Variants in RXRA observed in about 807,000 individuals in gnomAD.
RXRA encodes the protein retinoic acid receptor RXR-alpha.
RXRA carries 5 observed loss-of-function variants against 44.5 expected under a neutral mutation model. The observed-to-expected ratio is 0.11, with a 90% CI of 0.06 to 0.24. RXRA has a LOEUF of 0.24. Ranked by LOEUF, RXRA falls within the 10% of genes least tolerant of loss-of-function variation. RXRA has a pLI of 1.00. For synonymous variants in RXRA, 291 were observed against 271.4 expected (o/e 1.07, Z -0.71); for missense variants, 412 against 646.5 (o/e 0.64, Z 3.93).
intron 1 of RXRA, among the ~76,000 whole-genome samples, chr9:134,356,509 G>A (rs1196481229): frequency 6.6e-6 from 1 of 152,170 alleles, no homozygotes; most frequent in African/African-American, 2.4e-5. Flanking sequence ...AGAGCAGCAC[G>A]GTCTGCGGGA....
At chr9:134,422,287 T>G in intron 6 of RXRA, 3 of 1,275,026 alleles carry the variant, frequency 2.4e-6, no homozygotes, top group Non-Finnish European at 3.0e-6. Context: ...GACACACTCC[T>G]ACTTCCTGGG....
chr9:134,339,286 G>A (rs1164473150), intron 1 of RXRA, among the ~76,000 whole-genome samples: 1 of 152,250 alleles, frequency 6.6e-6, no homozygotes, highest in African/African-American at 2.4e-5. Flanking sequence ...GGGGCGCGTC[G>A]TCCTCCCCAG....
In RXRA at chr9:134,379,022, G is replaced by A. The variant is rs117289030; in HGVS notation, c.29-22610G>A. Among the ~76,000 whole-genome samples, 362 of 152,302 alleles carry A rather than the reference G, an allele frequency of 2.4e-3. 15 individuals are homozygous for A. In the East Asian group the frequency reaches 0.061, roughly 26 times the overall value. ...TTGAGGGTGGGGGTGGACCTCAGCCGCCACCCATTTGTCAGTCAGCAAATG... is the reference window on the plus strand; with the variant it reads ...TTGAGGGTGGGGGTGGACCTCAGCCACCACCCATTTGTCAGTCAGCAAATG... On this transcript the variant is annotated intron_variant, in intron 1 of 9. Transcript: ENST00000481739.
At chr9:134,348,796 C>CATGTGCCTCCT (rs6151207) in intron 1 of RXRA, among the ~76,000 whole-genome samples, 1 of 57,152 alleles carries the variant, frequency 1.7e-5, no homozygotes, top group African/African-American at 2.7e-4. Flanking sequence ...CAGAAGACTT[C>CATGTGCCTCCT]CCGGACGCTG....
intron 1 of RXRA, among the ~76,000 whole-genome samples, chr9:134,350,223 G>C (rs988935715): frequency 2.6e-4 from 40 of 152,224 alleles, no homozygotes; most frequent in African/African-American, 7.0e-4. Context: ...GGAAACCACT[G>C]GGGGAGGGAG....
chr9:134,391,681 C>T (rs930417711), intron 1 of RXRA, among the ~76,000 whole-genome samples: 1 of 152,204 alleles, frequency 6.6e-6, no homozygotes, highest in Non-Finnish European at 1.5e-5. Context: ...GCCAAGTCCC[C>T]GAGCTGGTAC....
In RXRA at chr9:134,424,855, G is replaced by A. The variant is rs1273972257; in HGVS notation, c.910+3050G>A. The A allele has an allele frequency of 5.1e-6, 5 of 985,346 alleles. No homozygotes were observed. The African/African-American group carries it at 7.0e-5, about 14-fold the overall frequency. 61.0% of individuals were successfully genotyped at this position (985,346 alleles called of 1,614,324 possible). A position where few individuals can be genotyped will look rare whatever the true frequency, so the allele number is the denominator to read the frequency against. The stretch of plus-strand genomic sequence containing the variant: ...TGGGGACCAGGGGTGATCCTGCTGG[G>A]TTTTCTTCTGGCAGGAGGCAGTGGC... On this transcript the variant is annotated intron_variant, in intron 6 of 9. Coordinates refer to ENST00000481739, the MANE Select transcript of RXRA (RefSeq NM_002957.6).
chr9:134,399,660 C>T (rs1830930623), intron 1 of RXRA, among the ~76,000 whole-genome samples: 1 of 152,254 alleles, frequency 6.6e-6, no homozygotes, highest in Non-Finnish European at 1.5e-5. Flanking sequence ...GTGCCACCAA[C>T]ATCTGGTTCT....
intron 1 of RXRA, among the ~76,000 whole-genome samples, chr9:134,381,352 A>G (rs2119102030): frequency 6.6e-6 from 1 of 152,070 alleles, no homozygotes; most frequent in Non-Finnish European, 1.5e-5. Flanking sequence ...GCTAGTGCTG[A>G]CCGCGCTGGG....
chr9:134,419,006 G>A (rs187383429), intron 5 of RXRA, among the ~76,000 whole-genome samples: 7 of 152,316 alleles, frequency 4.6e-5, no homozygotes, highest in African/African-American at 9.6e-5. Flanking sequence ...CCACGTCCCC[G>A]GCTCTGCTCA....
chr9:134,423,078 C>T (rs1447378059), intron 6 of RXRA: 1 of 985,348 alleles, frequency 1.0e-6, no homozygotes, highest in Non-Finnish European at 1.2e-6. Context: ...CAGTGGAAGC[C>T]TGGATGGGGC....
intron 1 of RXRA, among the ~76,000 whole-genome samples, chr9:134,336,727 C>T (rs1370310364): frequency 6.6e-6 from 1 of 152,222 alleles, no homozygotes; most frequent in African/African-American, 2.4e-5. Context: ...CCATATAAGC[C>T]TCATGAAGTT....
At chr9:134,406,956 C>T (rs1424413420) in intron 2 of RXRA, among the ~76,000 whole-genome samples, 1 of 152,222 alleles carries the variant, frequency 6.6e-6, no homozygotes, top group African/African-American at 2.4e-5. Flanking sequence ...GTGAGTCACA[C>T]AGTGGCCACC....
At chr9:134,386,974 C>T (rs900548046) in intron 1 of RXRA, among the ~76,000 whole-genome samples, 1 of 152,192 alleles carries the variant, frequency 6.6e-6, no homozygotes, top group Admixed American at 6.5e-5. Context: ...GACCTGACCC[C>T]GTCTTCCTGG....
At chr9:134,416,972 A>G (rs921525931) in intron 4 of RXRA, among the ~76,000 whole-genome samples, 186 bp from the exon 5 acceptor site, 10 of 152,182 alleles carry the variant, frequency 6.6e-5, no homozygotes, top group African/African-American at 2.2e-4. Context: ...CTCTGTTCTC[A>G]GAGCACACAA....
chr9:134,338,571 G>T lies in RXRA; in HGVS notation c.28+11912G>T, dbSNP rs72768778. On this transcript the variant is annotated intron_variant, in intron 1 of 9. Transcript: ENST00000481739. ...CAGTCAGTGGCCAGGACCTGCCTGC[G>T]TGTGGACAGTTAGGCCTCCTGCCTA... Among the ~76,000 whole-genome samples the T allele has an allele frequency of 7.1e-3, 1,081 of 152,378 alleles. 7 individuals carry two copies. Among genetic ancestry groups the T allele is most frequent in the Non-Finnish European group, 0.011 (775 of 68,030 alleles).
chr9:134,399,612 C>A (rs1351053752), intron 1 of RXRA, among the ~76,000 whole-genome samples: 1 of 152,212 alleles, frequency 6.6e-6, no homozygotes, highest in Non-Finnish European at 1.5e-5. Flanking sequence ...GTTGAATGAC[C>A]AATAGGGCTG....
chr9:134,391,683 A>C (rs1830802105), intron 1 of RXRA, among the ~76,000 whole-genome samples: 1 of 152,090 alleles, frequency 6.6e-6, no homozygotes, highest in South Asian at 2.1e-4. Flanking sequence ...CAAGTCCCCG[A>C]GCTGGTACCC....
intron 1 of RXRA, among the ~76,000 whole-genome samples, chr9:134,327,186 C>G (rs1834929433): frequency 6.6e-6 from 1 of 152,112 alleles, no homozygotes; most frequent in Non-Finnish European, 1.5e-5. Flanking sequence ...CAAAGCAGCC[C>G]ACGCCCGGGT....
Sources: allele counts gnomAD v4.1 joint callset (sites outside exome capture counted in the v4.1 genomes callset), GRCh38; gene constraint gnomAD v4.1.1; transcripts MANE v1.5; gene names NCBI Gene and HGNC (gene_info 2026-07-23, HGNC 2026-07-21).